The following MED24 variants were observed in gnomAD, a reference collection of about 807,000 sequenced individuals.
MED24 encodes mediator complex subunit 24, also known as mediator of RNA polymerase II transcription subunit 24.
MED24 carries 74 observed loss-of-function variants against 118.8 expected under a neutral mutation model. The observed-to-expected ratio is 0.62, with a 90% CI of 0.52 to 0.76. The LOEUF is 0.76. MED24 is among the 30% of genes least tolerant of loss of function. MED24 has a pLI of 0.00. For missense variants in MED24, 1,041 were observed against 1,278.9 expected (o/e 0.81, Z 2.84); for synonymous variants, 521 against 523.9 (o/e 0.99, Z 0.08).
In MED24 at chr17:40,053,606, C is replaced by T. The variant is rs376747028; in HGVS notation, c.-8G>A. 6.2e-7 allele frequency: 1 copy of T among 1,614,040 alleles called. No individual in the cohort carries two copies. Among genetic ancestry groups the T allele is most frequent in the Non-Finnish European group, 8.5e-7 (1 of 1,180,062 alleles). On this transcript the variant is annotated 5_prime_UTR_variant, in exon 2 of 26. It adds an upstream start codon to the 5' untranslated region. Transcript: ENST00000394128. ...CAGGTTGACCACCTTCATTATTTCA[C>T]TCTGAGCAGGTGGCAGCGGTGGCGG...
At chr17:40,027,517 G>T in intron 15 of MED24, 52 bp from the exon 16 acceptor site, 2 of 1,535,144 alleles carry the variant, frequency 1.3e-6, no homozygotes, top group South Asian at 2.3e-5. Context: ...GGGGGAGCCC[G>T]TGTCTGGGTT....
intron 3 of MED24, 38 bp downstream of exon 3, chr17:40,053,260 A>C (rs1986034410): frequency 6.4e-7 from 1 of 1,550,396 alleles, no homozygotes; most frequent in Admixed American, 1.9e-5. Flanking sequence ...TTACCCCCAG[A>C]ACTCTCACTT....
intron 3 of MED24, among the ~76,000 whole-genome samples, chr17:40,049,306 C>T (rs186360987): frequency 9.4e-4 from 143 of 152,286 alleles, no homozygotes; most frequent in African/African-American, 3.1e-3. Flanking sequence ...TTGCCTCCCA[C>T]CGTGTACATA....
At position 40,033,856 on chromosome 17, in the gene MED24, G is replaced by A. The variant is rs1983660992; in HGVS notation, c.560-400C>T. 4 of 416,464 alleles carry A rather than the reference G, an allele frequency of 9.6e-6. No individual in the cohort carries two copies. The highest frequency in any genetic ancestry group is 2.7e-5 in the Admixed American group (1 of 36,612). 25.8% of individuals were successfully genotyped at this position (416,464 alleles called of 1,614,324 possible). A position where few individuals can be genotyped will look rare whatever the true frequency, so the allele number is the denominator to read the frequency against. ...CTTGCAGAGGCTGTCACTCTCCTCT[G>A]GGGGAACTGGGTCCCTAAATGGCTT... On this transcript the variant is annotated intron_variant, in intron 6 of 25. Coordinates refer to ENST00000394128, the MANE Select transcript of MED24 (RefSeq NM_014815.4). The surrounding 1 kb of genome is among the most constrained non-coding windows in gnomAD (Gnocchi z 5.2).
At chr17:40,042,537 G>A (rs1176655242) in intron 3 of MED24, among the ~76,000 whole-genome samples, 1 of 152,150 alleles carries the variant, frequency 6.6e-6, no homozygotes, top group Non-Finnish European at 1.5e-5. Context: ...GCTGTGCGTG[G>A]TGGTGGGCAT....
intron 1 of MED24, chr17:40,054,088 G>T: frequency 4.8e-6 from 1 of 209,384 alleles, no homozygotes; most frequent in Non-Finnish European, 9.9e-6. Context: ...AGCCGAGATC[G>T]CACCATTGCA....
In MED24 at chr17:40,053,235, T is replaced by C. The variant is rs1986030805; in HGVS notation, c.213+63A>G. On this transcript the variant is annotated intron_variant, in intron 3 of 25. Transcript: ENST00000394128. ...CAGCCATGAACCACCGGGGCCCAAA[T>C]GCACTCCAAGTTTTTTACCCCCAGA... 2.7e-6 allele frequency: 4 copies of C among 1,463,566 alleles called. No homozygotes were observed. In the Admixed American group the frequency reaches 8.5e-5, roughly 31 times the overall value. 90.7% of individuals were successfully genotyped at this position (1,463,566 alleles called of 1,614,324 possible).
chr17:40,027,487 G>A (rs1272046273), intron 15 of MED24, 22 bp from the exon 16 acceptor site: 1 of 1,599,136 alleles, frequency 6.3e-7, no homozygotes, highest in Non-Finnish European at 8.5e-7. Flanking sequence ...CGGGAAGGCT[G>A]AGCTCCCAGA....
intron 19 of MED24, 103 bp downstream of exon 19, chr17:40,026,053 G>T: frequency 8.6e-7 from 1 of 1,163,976 alleles, no homozygotes; most frequent in Non-Finnish European, 1.2e-6. Context: ...TGATCAAGTA[G>T]CGTGTTTGCG....
intron 4 of MED24, 139 bp from the exon 5 acceptor site, chr17:40,035,934 C>T: frequency 1.9e-6 from 2 of 1,065,048 alleles, no homozygotes; most frequent in Non-Finnish European, 2.8e-6. Flanking sequence ...CAACACTGGA[C>T]ATTGGCTCCC....
intron 18 of MED24, 64 bp from the exon 19 acceptor site, chr17:40,026,395 C>A: frequency 1.3e-6 from 2 of 1,574,512 alleles, no homozygotes; most frequent in Non-Finnish European, 1.7e-6. Flanking sequence ...ACATCACCTT[C>A]TCAGCCTCTG....
At chr17:40,045,920 C>T (rs577326967) in intron 3 of MED24, among the ~76,000 whole-genome samples, 28 of 147,222 alleles carry the variant, frequency 1.9e-4, no homozygotes, top group African/African-American at 5.8e-4. Flanking sequence ...TGGGACTACA[C>T]GTGCATGCCA....
In MED24 at chr17:40,026,432, T is replaced by TCCCGGC. The variant is rs776821490; in HGVS notation, c.1810-102_1810-101insGCCGGG. On this transcript the variant is annotated intron_variant, in intron 18 of 25. Transcript: ENST00000394128. The stretch of plus-strand genomic sequence containing the variant: ...GGGCAGCTAAGTGCAGCGGGTGGAG[T>TCCCGGC]CCCGGGCCACATTCCACACCTCTCT... 5 of 1,434,068 alleles carry TCCCGGC rather than the reference T, an allele frequency of 3.5e-6. No homozygotes were observed. The East Asian group carries it at 9.3e-5, about 27-fold the overall frequency. 88.8% of individuals were successfully genotyped at this position (1,434,068 alleles called of 1,614,324 possible). A position where few individuals can be genotyped will look rare whatever the true frequency, so the allele number is the denominator to read the frequency against.
rs751983735 is a variant in MED24, at chr17:40,023,353, G to A, written c.2028C>T (p.Asp676=). The A allele has an allele frequency of 3.2e-5, 51 of 1,611,904 alleles. No homozygotes were observed. The highest frequency in any genetic ancestry group is 4.0e-5 in the African/African-American group (3 of 74,870). ...TCTGCGTGGCTGTCTGCTGCAGCAC[G>A]TCGGCACACATGCGCTCCAGGATCG... is the stretch of plus-strand genomic sequence containing the variant. ...MNSILERMCA[D]VLQQTATQIK... Residue 676 remains aspartate (D), a synonymous_variant, in exon 20 of 26, where the codon GAC becomes GAT. Transcript: ENST00000394128.
chr17:40,023,020 G>T, intron 20 of MED24, 111 bp downstream of exon 20: 6 of 1,450,478 alleles, frequency 4.1e-6, no homozygotes, highest in Non-Finnish European at 5.6e-6. Context: ...GCATTCCGGG[G>T]AGGCCACCTG....
chr17:40,021,896 A>G (rs2302776), intron 23 of MED24, 59 bp downstream of exon 23: 561,764 of 1,236,362 alleles, frequency 0.45, 129,964 homozygotes, highest in Middle Eastern at 0.62. Context: ...GCAGAGTGGC[A>G]GCATCGGGGA....
chr17:40,031,305 A>C, intron 11 of MED24, 60 bp from the exon 12 acceptor site: 1 of 1,467,892 alleles, frequency 6.8e-7, no homozygotes, highest in Non-Finnish European at 9.3e-7. Flanking sequence ...GAGGGGTGGG[A>C]GTGGCAGGTC....
intron 3 of MED24, among the ~76,000 whole-genome samples, chr17:40,046,561 C>G (rs1272562172): frequency 6.8e-6 from 1 of 147,554 alleles, no homozygotes; most frequent in Non-Finnish European, 1.5e-5. Flanking sequence ...CCGGCTAAAA[C>G]GGTGAAACCC....
In MED24 at chr17:40,026,411, A is replaced by C. The variant is rs767254954; in HGVS notation, c.1810-80T>G. On this transcript the variant is annotated intron_variant, in intron 18 of 25. Transcript: ENST00000394128. ...CATCACCTTCTCAGCCTCTGCGGGC[A>C]GCTAAGTGCAGCGGGTGGAGTCCCG... 34 of 1,529,108 alleles carry C rather than the reference A, an allele frequency of 2.2e-5. No homozygotes were observed. In the East Asian group the frequency reaches 7.3e-4, roughly 33 times the overall value. 94.7% of individuals were successfully genotyped at this position (1,529,108 alleles called of 1,614,324 possible). A position where few individuals can be genotyped will look rare whatever the true frequency, so the allele number is the denominator to read the frequency against.
Sources: gnomAD v4.1 joint callset for allele counts (sites outside exome capture counted in the v4.1 genomes callset) on GRCh38, gnomAD v4.1.1 for gene constraint, Gnocchi (gnomAD v3.1) non-coding constraint, MANE v1.5 for transcripts, NCBI Gene and HGNC (gene_info 2026-07-23, HGNC 2026-07-21) for gene names.